The following STMND1 variants were observed in gnomAD, a reference collection of about 807,000 sequenced individuals.
STMND1 encodes stathmin domain containing 1.
A neutral mutation model predicts 23.0 loss-of-function variants in STMND1; 17 were observed. That is an observed-to-expected ratio of 0.74 (90% confidence interval 0.51 to 1.11). The LOEUF is 1.11. STMND1 is among the 50% of genes least tolerant of loss of function. STMND1 has a pLI of 0.00. For synonymous variants in STMND1, 114 were observed against 119.9 expected, an observed-to-expected ratio of 0.95 and a Z score of 0.32; for missense variants, 305 against 329.1, an observed-to-expected ratio of 0.93 and a Z score of 0.57.
intron 1 of STMND1, 145 bp from the exon 2 acceptor site, chr6:17,114,817 T>G: frequency 1.2e-6 from 1 of 822,708 alleles, no homozygotes; most frequent in Non-Finnish European, 1.8e-6. Flanking sequence ...GCCCAGGGGG[T>G]TGGGGACCCC....
chr6:17,129,475 G>A (rs1005258330), intron 4 of STMND1, among the ~76,000 whole-genome samples: 3 of 150,532 alleles, frequency 2.0e-5, no homozygotes, highest in Non-Finnish European at 4.4e-5. Flanking sequence ...GGGCTCAAGC[G>A]GTCCCCCTGT....
At chr6:17,126,062 ATATATATATTTTTTTTTTTTTT>A (rs1266979912) in intron 3 of STMND1, among the ~76,000 whole-genome samples, 1 of 24,372 alleles carries the variant, frequency 4.1e-5, no homozygotes, top group African/African-American at 1.7e-4. Context: ...ATATATATAT[ATATATATATTTTTTTTTTTTTT>A]TTTTTTTTTT....
At chr6:17,103,127 T>C (rs1760965970) in intron 1 of STMND1, among the ~76,000 whole-genome samples, 1 of 152,124 alleles carries the variant, frequency 6.6e-6, no homozygotes, top group African/African-American at 2.4e-5. Flanking sequence ...CCCTCAAGGG[T>C]CCACCTAAGA....
rs1761108351 is a variant in STMND1, at chr6:17,112,580, A to G, written c.82-2382A>G. On this transcript the variant is annotated intron_variant, in intron 1 of 4. Coordinates refer to ENST00000536551, the MANE Select transcript of STMND1 (RefSeq NM_001190766.2). ...ATCACAAGGTCAGCAGATTGAGACC[A>G]TCCTGGCTAACACGGTGAAACTCCG... Among the ~76,000 whole-genome samples, 2 of 152,248 alleles carry G rather than the reference A, an allele frequency of 1.3e-5. 1 individual carries two copies. The highest frequency in any genetic ancestry group is 3.9e-4 in the East Asian group (2 of 5,166).
chr6:17,124,883 C>G lies in STMND1; in HGVS notation c.411+4125C>G, dbSNP rs151007573. 9.3e-5 allele frequency among the ~76,000 whole-genome samples: 14 copies of G among 150,764 alleles called. No individual in the cohort carries two copies. In the East Asian group the frequency reaches 2.7e-3, roughly 30 times the overall value. On this transcript the variant is annotated intron_variant, in intron 3 of 4. Transcript: ENST00000536551. The stretch of plus-strand genomic sequence containing the variant: ...GCATGGTGGTGTGCACCTGTAGTTA[C>G]AGCTACTTAGGAGGCTGAGGTTGGA...
At chr6:17,102,935 T>C (rs1725884726) in intron 1 of STMND1, among the ~76,000 whole-genome samples, 1 of 152,048 alleles carries the variant, frequency 6.6e-6, no homozygotes. Context: ...TTTTCAAGAG[T>C]TTCGTTCCAA....
Position 17,130,585 on chromosome 6 carries a change from G to T in STMND1, c.544-9G>T. 1 of 1,497,500 alleles carries T rather than the reference G, an allele frequency of 6.7e-7. No individual in the cohort carries two copies. Among genetic ancestry groups the T allele is most frequent in the Non-Finnish European group, 8.9e-7 (1 of 1,129,220 alleles). The allele number at this position is 1,497,500 out of a possible 1,614,324, so 92.8% of individuals were successfully genotyped here. A position where few individuals can be genotyped will look rare whatever the true frequency, so the allele number is the denominator to read the frequency against. ...ACGCTCTTTTTCATTCTTTAATACTGCATTTCAGACTAAAGAAGAAGAAAT... is the reference window on the plus strand; with the variant it reads ...ACGCTCTTTTTCATTCTTTAATACTTCATTTCAGACTAAAGAAGAAGAAAT... On this transcript the variant is annotated splice_polypyrimidine_tract_variant and intron_variant, in intron 4 of 4. Coordinates refer to ENST00000536551, the MANE Select transcript of STMND1 (RefSeq NM_001190766.2).
intron 3 of STMND1, chr6:17,128,567 C>T (rs1406809230): frequency 1.3e-5 from 2 of 152,214 alleles, no homozygotes; most frequent in African/African-American, 4.8e-5. Flanking sequence ...AGAACACCTG[C>T]ATTCATAGGG....
At chr6:17,121,501 G>C (rs564086243) in intron 3 of STMND1, among the ~76,000 whole-genome samples, 1 of 152,054 alleles carries the variant, frequency 6.6e-6, no homozygotes, top group Non-Finnish European at 1.5e-5. Flanking sequence ...AAGAAAATAG[G>C]CCTGACAAGT....
In STMND1 at chr6:17,120,675, G is replaced by A; in HGVS notation, c.328G>A (p.Asp110Asn). Residue 110 changes from aspartate (D) to asparagine (N), a missense_variant, in exon 3 of 5, where the codon GAT becomes AAT. By Grantham distance (23) the Asp-to-Asn change is conservative (BLOSUM62 1). Coordinates refer to ENST00000536551, the MANE Select transcript of STMND1 (RefSeq NM_001190766.2). ...LESRERQKSSDILEELIVQGI... is the reference protein window; with the variant it reads ...LESRERQKSSNILEELIVQGI... ...GAGTCGAGAGCGACAGAAGTCATCA[G>A]ATATCCTGGAGGAACTAATTGTTCA... 1 of 1,535,442 alleles carries A rather than the reference G, an allele frequency of 6.5e-7. No homozygotes were observed.
Position 17,102,178 on chromosome 6 carries a change from C to T in STMND1, c.-80C>T, listed in dbSNP as rs367642535. 1 of 1,382,108 alleles carries T rather than the reference C, an allele frequency of 7.2e-7. No homozygotes were observed. 85.6% of individuals were successfully genotyped at this position (1,382,108 alleles called of 1,614,324 possible). A position where few individuals can be genotyped will look rare whatever the true frequency, so the allele number is the denominator to read the frequency against. ...CGCAGGGCGCAGGAGCGCGGGACCA[C>T]CGGCGCCGGAGCGCGGCAGGGAGCG... On this transcript the variant is annotated 5_prime_UTR_variant, in exon 1 of 5. Transcript: ENST00000536551.
At chr6:17,106,914 T>C (rs1003262422) in intron 1 of STMND1, among the ~76,000 whole-genome samples, 5 of 152,190 alleles carry the variant, frequency 3.3e-5, no homozygotes, top group Non-Finnish European at 7.4e-5. Flanking sequence ...AACTTCTTAG[T>C]TGGAGAAATG....
intron 2 of STMND1, 38 bp downstream of exon 2, chr6:17,115,177 A>G (rs1761142268): frequency 6.7e-7 from 1 of 1,503,044 alleles, no homozygotes; most frequent in Non-Finnish European, 8.8e-7. Flanking sequence ...AGATCTTCAC[A>G]AAATACTGTT....
intron 1 of STMND1, 113 bp downstream of exon 1, chr6:17,102,451 C>A: frequency 3.1e-6 from 4 of 1,296,688 alleles, no homozygotes; most frequent in South Asian, 1.4e-5. Flanking sequence ...CAGGGTCGGT[C>A]GAGGCTAGTT....
chr6:17,128,442 T>C (rs1761337055), intron 3 of STMND1: 1 of 152,232 alleles, frequency 6.6e-6, no homozygotes, highest in Admixed American at 6.5e-5. Context: ...TATAAAATCA[T>C]CAGGTTGAAC....
Position 17,111,153 on chromosome 6 carries a change from C to T in STMND1, c.82-3809C>T, listed in dbSNP as rs148836055. On this transcript the variant is annotated intron_variant, in intron 1 of 4. Transcript: ENST00000536551. ...CTGTGAAAAATTTAACACGGACCAG[C>T]ATTTTGTCGTCAGTGGTTTACTAAA... Among the ~76,000 whole-genome samples, 349 of 152,260 alleles carry T rather than the reference C, an allele frequency of 2.3e-3. 3 individuals are homozygous for T. Among genetic ancestry groups the T allele is most frequent in the African/African-American group, 7.8e-3 (324 of 41,552 alleles).
Position 17,130,702 on chromosome 6 carries a change from G to C in STMND1, c.652G>C (p.Gly218Arg). The change falls in exon 5 of 5, where the codon GGA (glycine) becomes CGA (arginine). Residue 218 changes from glycine to arginine, a missense_variant. Physicochemically the swap from Gly to Arg is moderately radical, Grantham distance 125 (BLOSUM62 -2). Coordinates refer to ENST00000536551, the MANE Select transcript of STMND1 (RefSeq NM_001190766.2). ...TGGGGCCGAGGTTGCATTTGCCAAA[G>C]GACTTCAAAGGGTGAGGTCTGCTGG... Reference protein sequence around the residue: ...LDGAEVAFAKGLQRVRSAGFE... With the variant: ...LDGAEVAFAKRLQRVRSAGFE... 6.5e-7 allele frequency: 1 copy of C among 1,536,052 alleles called. No individual in the cohort carries two copies. Among genetic ancestry groups the C allele is most frequent in the Non-Finnish European group, 8.7e-7 (1 of 1,146,890 alleles).
chr6:17,122,840 G>T (rs559365624), intron 3 of STMND1, among the ~76,000 whole-genome samples: 2 of 152,060 alleles, frequency 1.3e-5, no homozygotes, highest in Non-Finnish European at 1.5e-5. Flanking sequence ...GCATTTTGGA[G>T]TGCCTTATCT....
rs758786622 is a variant in STMND1, at chr6:17,131,139, A to C, written c.*258A>C. 1 of 375,034 alleles carries C rather than the reference A, an allele frequency of 2.7e-6. No individual in the cohort carries two copies. The highest frequency in any genetic ancestry group is 4.7e-6 in the Non-Finnish European group (1 of 211,688). The allele number at this position is 375,034 out of a possible 1,614,324, so 23.2% of individuals were successfully genotyped here. ...TCTCCTTTGTGTGGCTTCAAACATT[A>C]TGGAGATGTCTTTAATTCATTTATA... On this transcript the variant is annotated 3_prime_UTR_variant, in exon 5 of 5. Transcript: ENST00000536551.
Sources: gnomAD v4.1 joint callset for allele counts (sites outside exome capture counted in the v4.1 genomes callset) on GRCh38, gnomAD v4.1.1 for gene constraint, MANE v1.5 for transcripts, NCBI Gene and HGNC (gene_info 2026-07-23, HGNC 2026-07-21) for gene names.